OSBPL3: variants seen among roughly 807,000 people sequenced by gnomAD.
OSBPL3 encodes oxysterol binding protein like 3, also known as oxysterol-binding protein-related protein 3.
Under a neutral mutation model 120.1 loss-of-function variants are expected in OSBPL3, and 65 were observed. The ratio of observed to expected loss-of-function variants is 0.54; its 90% CI spans 0.44 to 0.67. The LOEUF (loss-of-function observed/expected upper bound fraction) is 0.67, where lower values mean the gene tolerates loss of function less well. Ranked by LOEUF, OSBPL3 falls within the 30% of genes least tolerant of loss-of-function variation. OSBPL3 has a pLI of 0.00. For missense variants in OSBPL3, 1,004 were observed against 1,082.1 expected, an observed-to-expected ratio of 0.93 and a Z score of 1.01; for synonymous variants, 416 against 402.6, an observed-to-expected ratio of 1.03 and a Z score of -0.40.
chr7:24,976,243 C>A (rs1009273685), intron 1 of OSBPL3, among the ~76,000 whole-genome samples: 1 of 152,126 alleles, frequency 6.6e-6, no homozygotes, highest in Non-Finnish European at 1.5e-5. Context: ...TGACAGCACC[C>A]GGCACATACA....
At chr7:24,850,429 T>C (rs755605482) in intron 11 of OSBPL3, among the ~76,000 whole-genome samples, 15 of 152,244 alleles carry the variant, frequency 9.9e-5, no homozygotes, top group Non-Finnish European at 1.8e-4. Context: ...TATGTCTGTC[T>C]TTCTGACTCT....
At chr7:24,942,261 G>A (rs1439006313) in intron 1 of OSBPL3, among the ~76,000 whole-genome samples, 1 of 151,936 alleles carries the variant, frequency 6.6e-6, no homozygotes, top group Admixed American at 6.6e-5. Flanking sequence ...TTACTAAATA[G>A]TCAATCTAAA....
chr7:24,834,909 C>T lies in OSBPL3; in HGVS notation c.1496-173G>A, dbSNP rs1159556953. 2.0e-5 allele frequency among the ~76,000 whole-genome samples: 3 copies of T among 152,150 alleles called. No homozygotes were observed. The highest frequency in any genetic ancestry group is 1.5e-5 in the Non-Finnish European group (1 of 68,032). On this transcript the variant is annotated intron_variant, in intron 14 of 22. Coordinates refer to ENST00000313367, the MANE Select transcript of OSBPL3 (RefSeq NM_015550.4). This position sits in a 1 kb window ranked among gnomAD's most constrained non-coding sequence, Gnocchi z 5.2. ...CAAAAGAATTCTGAGCAATTAAATACCAAAAATGACACACACTAAAACCCA... is the reference window on the plus strand; with the variant it reads ...CAAAAGAATTCTGAGCAATTAAATATCAAAAATGACACACACTAAAACCCA...
In OSBPL3 at chr7:24,966,274, T is replaced by A. The variant is rs1255498135; in HGVS notation, c.-150+13612A>T. Among the ~76,000 whole-genome samples the A allele has an allele frequency of 6.6e-6, 1 of 152,188 alleles. No homozygotes were observed. The highest frequency in any genetic ancestry group is 1.5e-5 in the Non-Finnish European group (1 of 68,038). On this transcript the variant is annotated intron_variant, in intron 1 of 22. Coordinates refer to ENST00000313367, the MANE Select transcript of OSBPL3 (RefSeq NM_015550.4). This position sits in a 1 kb window ranked among gnomAD's most constrained non-coding sequence, Gnocchi z 4.8. ...AAAGAAACCAAACTCCCACATCCTG[T>A]CCTTCTGACCCCTAGCATCTGTCAG... is the stretch of plus-strand genomic sequence containing the variant.
rs146180705 is a variant in OSBPL3 at position 24,815,423 on chromosome 7, T to G, written c.2028-220A>C. The stretch of plus-strand genomic sequence containing the variant: ...ACAGAGAATGACAGCATTCAGACTT[T>G]GCACTCTGGAAGCTACCAGAGGCTT... On this transcript the variant is annotated intron_variant, in intron 18 of 22. Transcript: ENST00000313367. This position sits in a 1 kb window ranked among gnomAD's most constrained non-coding sequence, Gnocchi z 5.1. Among the ~76,000 whole-genome samples, 12 of 152,316 alleles carry G rather than the reference T, an allele frequency of 7.9e-5. No homozygotes were observed. The highest frequency in any genetic ancestry group is 2.9e-4 in the African/African-American group (12 of 41,584).
chr7:24,979,664 G>C (rs1022965272), intron 1 of OSBPL3, among the ~76,000 whole-genome samples: 14 of 152,248 alleles, frequency 9.2e-5, no homozygotes, highest in Admixed American at 5.9e-4. Context: ...AGGTGTCCTG[G>C]GGTGGGTGAG....
chr7:24,924,550 G>A (rs1384596840), intron 1 of OSBPL3, among the ~76,000 whole-genome samples: 1 of 152,094 alleles, frequency 6.6e-6, no homozygotes, highest in Non-Finnish European at 1.5e-5. Context: ...GCTTCTTCCC[G>A]GTATTGCTAT....
At position 24,805,470 on chromosome 7, in the gene OSBPL3, G is replaced by A. The variant is rs985041018; in HGVS notation, c.2445-1033C>T. Among the ~76,000 whole-genome samples the A allele has an allele frequency of 6.6e-5, 10 of 152,004 alleles. No individual in the cohort carries two copies. The highest frequency in any genetic ancestry group is 2.4e-4 in the African/African-American group (10 of 41,370). On this transcript the variant is annotated intron_variant, in intron 21 of 22. Transcript: ENST00000313367. This position sits in a 1 kb window ranked among gnomAD's most constrained non-coding sequence, Gnocchi z 4.0. ...AATGTTCATCACAGAAATTAACAAT[G>A]CTTGCCATTCTTTAAACACCACATA...
In OSBPL3 at chr7:24,873,439, TA is replaced by T. The variant is rs1441849106; in HGVS notation, c.97-1371del. ...TAATGATCGTGATGGGTCTGCCTTC[TA>T]TCTGATGGCACTTTACCATGAATCC... On this transcript the variant is annotated intron_variant, in intron 2 of 22. Coordinates refer to ENST00000313367, the MANE Select transcript of OSBPL3 (RefSeq NM_015550.4). The surrounding 1 kb of genome is among the most constrained non-coding windows in gnomAD (Gnocchi z 4.1). Among the ~76,000 whole-genome samples the T allele has an allele frequency of 2.6e-5, 4 of 152,248 alleles. No homozygotes were observed. Among genetic ancestry groups the T allele is most frequent in the African/African-American group, 9.6e-5 (4 of 41,458 alleles).
chr7:24,969,076 T>C (rs939216558), intron 1 of OSBPL3, among the ~76,000 whole-genome samples: 4 of 152,238 alleles, frequency 2.6e-5, no homozygotes, highest in African/African-American at 9.6e-5. Context: ...ATACTGCCAA[T>C]GGCTCGCTAC....
rs543720970 is a variant in OSBPL3 at position 24,859,108 on chromosome 7, C to T, written c.1027+2505G>A. 3.3e-5 allele frequency among the ~76,000 whole-genome samples: 5 copies of T among 152,222 alleles called. No homozygotes were observed. The South Asian group carries it at 1.0e-3, about 32-fold the overall frequency. Reference sequence around the variant, plus strand: ...CTAATGGTAATTAGGACAAGCATTCCAGGTAGCAATCTGTATAAAGGATGA... The same window carrying T: ...CTAATGGTAATTAGGACAAGCATTCTAGGTAGCAATCTGTATAAAGGATGA... On this transcript the variant is annotated intron_variant, in intron 10 of 22. Transcript: ENST00000313367.
rs114339772 is a variant in OSBPL3, at chr7:24,863,292, C to A, written c.778G>T (p.Gly260Cys). The change falls in exon 9 of 23, where the codon GGT becomes TGT. Residue 260 changes from glycine to cysteine, a missense_variant and splice_region_variant. By Grantham distance (159) the Gly-to-Cys change is radical. Coordinates refer to ENST00000313367, the MANE Select transcript of OSBPL3 (RefSeq NM_015550.4). This position sits in a 1 kb window ranked among gnomAD's most constrained non-coding sequence, Gnocchi z 5.8. ...YSAPAINAIQGGSFESPKKEK... is the reference protein window; with the variant it reads ...YSAPAINAIQCGSFESPKKEK... ...TTTTTGGGACTTTCAAAAGATCCAC[C>A]CTTTGTTTCAAAACAGGAAAGAGAG... The A allele has an allele frequency of 1.2e-5, 20 of 1,613,084 alleles. No homozygotes were observed. Among genetic ancestry groups the A allele is most frequent in the East Asian group, 2.2e-5 (1 of 44,880 alleles).
rs1426084051 is a variant in OSBPL3 at position 24,866,144 on chromosome 7, C to T, written c.475G>A (p.Val159Ile). 6.2e-7 allele frequency: 1 copy of T among 1,613,564 alleles called. No homozygotes were observed. Among genetic ancestry groups the T allele is most frequent in the Admixed American group, 1.7e-5 (1 of 60,022 alleles). Residue 159 changes from valine to isoleucine, a missense_variant, in exon 6 of 23, where the codon GTT (valine) becomes ATT (isoleucine). This residue lies in a region of OSBPL3 where 255 missense variants were observed against 248.7 expected (regional missense o/e 1.03). Transcript: ENST00000313367. ...QNEIAMFPHE[V>I]NHFFSGSTIT... ...GTGGACCCTGAGAAAAAGTGGTTAA[C>T]TTCATGTGGAAACATGGCAATTTCA...
Position 24,866,170 on chromosome 7 carries a change from T to C in OSBPL3, c.449A>G (p.Asn150Ser), listed in dbSNP as rs776819923. ...KLRHHRMYRQNEIAMFPHEVN... is the reference protein window; with the variant it reads ...KLRHHRMYRQSEIAMFPHEVN... The stretch of plus-strand genomic sequence containing the variant: ...TTCATGTGGAAACATGGCAATTTCA[T>C]TCTGACGATACATTCTGTGGTGGCG... The change falls in exon 6 of 23, where the codon AAT (asparagine) becomes AGT (serine). Residue 150 changes from asparagine to serine, a missense_variant. Physicochemically the swap from Asn to Ser is conservative, Grantham distance 46 (BLOSUM62 1). This residue lies in a region of OSBPL3 where 255 missense variants were observed against 248.7 expected (regional missense o/e 1.03). Transcript: ENST00000313367. 1 of 1,613,230 alleles carries C rather than the reference T, an allele frequency of 6.2e-7. No homozygotes were observed. The highest frequency in any genetic ancestry group is 1.1e-5 in the South Asian group (1 of 91,072).
chr7:24,859,147 T>C (rs1213109955), intron 10 of OSBPL3, among the ~76,000 whole-genome samples: 1 of 152,128 alleles, frequency 6.6e-6, no homozygotes, highest in African/African-American at 2.4e-5. Flanking sequence ...GGTTTCCTTA[T>C]AACCCACCTC....
At chr7:24,892,727 C>G in intron 1 of OSBPL3, 106 bp from the exon 2 acceptor site, 2 of 700,594 alleles carry the variant, frequency 2.9e-6, no homozygotes, top group Non-Finnish European at 1.9e-6. Flanking sequence ...TACAGACTCA[C>G]GATGTTTAGC....
At position 24,831,141 on chromosome 7, in the gene OSBPL3, T is replaced by G. The variant is rs1052240097; in HGVS notation, c.1747-236A>C. Among the ~76,000 whole-genome samples, 3 of 152,152 alleles carry G rather than the reference T, an allele frequency of 2.0e-5. No individual in the cohort carries two copies. Among genetic ancestry groups the G allele is most frequent in the Non-Finnish European group, 4.4e-5 (3 of 68,024 alleles). On this transcript the variant is annotated intron_variant, in intron 15 of 22. Transcript: ENST00000313367. This position sits in a 1 kb window ranked among gnomAD's most constrained non-coding sequence, Gnocchi z 4.0. ...GTCCATTTATCTTGATGCCTAAAAG[T>G]TGGGAGATGCTATAAAGACGATGAC...
At chr7:24,980,528 C>A (rs1023005203), upstream of OSBPL3, among the ~76,000 whole-genome samples, 1 of 151,826 alleles carries the variant, frequency 6.6e-6, no homozygotes. Context: ...GTGGCTTTTC[C>A]GGGCCAGGGA....
At position 24,834,845 on chromosome 7, in the gene OSBPL3, ACT is replaced by A; in HGVS notation, c.1496-111_1496-110del. On this transcript the variant is annotated intron_variant, in intron 14 of 22. Transcript: ENST00000313367. The surrounding 1 kb of genome is among the most constrained non-coding windows in gnomAD (Gnocchi z 5.2). ...AGCAAGTAGTCAATGTTACTATTAAACTCAGTTGTTCAGAGTATGGCTGAAGT... is the reference window on the plus strand; with the variant it reads ...AGCAAGTAGTCAATGTTACTATTAAACAGTTGTTCAGAGTATGGCTGAAGT... The A allele has an allele frequency of 1.0e-6, 1 of 993,988 alleles. No individual in the cohort carries two copies. Among genetic ancestry groups the A allele is most frequent in the Non-Finnish European group, 1.4e-6 (1 of 699,878 alleles). The allele number at this position is 993,988 out of a possible 1,614,324, so 61.6% of individuals were successfully genotyped here. A position where few individuals can be genotyped will look rare whatever the true frequency, so the allele number is the denominator to read the frequency against.
Sources: gnomAD v4.1 joint callset for allele counts (sites outside exome capture counted in the v4.1 genomes callset) on GRCh38, gnomAD v4.1.1 for gene constraint, gnomAD v4.1.1 regional missense constraint, Gnocchi (gnomAD v3.1) non-coding constraint, MANE v1.5 for transcripts, NCBI Gene and HGNC (gene_info 2026-07-23, HGNC 2026-07-21) for gene names.